Variants in GNA13 observed in about 807,000 individuals in gnomAD.
GNA13 encodes the protein G protein subunit alpha 13.
In GNA13, 4 loss-of-function variants were observed where a neutral mutation model predicts 33.5. That is an observed-to-expected ratio of 0.12 (90% CI 0.06 to 0.27). GNA13 has a LOEUF of 0.27. Among genes scored for constraint, GNA13 ranks in the 10% least tolerant of loss-of-function variants. GNA13 has a pLI of 1.00. For missense variants in GNA13, 319 were observed against 487.2 expected, an observed-to-expected ratio of 0.65 and a Z score of 3.25; for synonymous variants, 176 against 183.8, an observed-to-expected ratio of 0.96 and a Z score of 0.34.
chr17:65,036,443 C>T (rs542399781), intron 2 of GNA13, among the ~76,000 whole-genome samples: 370 of 152,298 alleles, frequency 2.4e-3, no homozygotes, highest in African/African-American at 8.2e-3. Context: ...CGGTGGCTCA[C>T]GCCTGTAATC....
At chr17:65,047,283 GA>G (rs1282456388) in intron 2 of GNA13, among the ~76,000 whole-genome samples, 1 of 152,106 alleles carries the variant, frequency 6.6e-6, no homozygotes, top group Non-Finnish European at 1.5e-5. Context: ...AGCACTTTAG[GA>G]GGCTGAAGCA....
In GNA13 at chr17:65,014,513, G is replaced by A; in HGVS notation, c.878C>T (p.Thr293Ile). 6.2e-7 allele frequency: 1 copy of A among 1,613,908 alleles called. No individual in the cohort carries two copies. The change falls in exon 4 of 4, where the codon ACA (threonine) becomes ATA (isoleucine). Residue 293 changes from threonine (T) to isoleucine (I), a missense_variant. This residue lies in a region of GNA13 where 134 missense variants were observed against 241.3 expected (regional missense o/e 0.56). Coordinates refer to ENST00000439174, the MANE Select transcript of GNA13 (RefSeq NM_006572.6). The surrounding 1 kb of genome is among the most constrained non-coding windows in gnomAD (Gnocchi z 5.3). Reference sequence around the variant, plus strand: ...TTGCACCTTCTCCTCAAGCAAGTCTGTCTTGTTTAAGAACAGAATTATGGA... The same window carrying A: ...TTGCACCTTCTCCTCAAGCAAGTCTATCTTGTTTAAGAACAGAATTATGGA... The part of the protein sequence containing the change: ...NVSIILFLNK[T>I]DLLEEKVQIV...
intron 1 of GNA13, among the ~76,000 whole-genome samples, chr17:65,055,167 C>G (rs1017774222): frequency 6.6e-6 from 1 of 152,054 alleles, no homozygotes; most frequent in Non-Finnish European, 1.5e-5. Flanking sequence ...AAACTGCTCC[C>G]CAGATAAAAT....
chr17:65,048,393 G>T (rs1907744372), intron 2 of GNA13, among the ~76,000 whole-genome samples: 1 of 152,104 alleles, frequency 6.6e-6, no homozygotes. Context: ...TAAAGACAGG[G>T]TAACTCAAAA....
chr17:65,048,547 C>T (rs989473334), intron 2 of GNA13, among the ~76,000 whole-genome samples: 7 of 152,088 alleles, frequency 4.6e-5, no homozygotes, highest in African/African-American at 1.4e-4. Flanking sequence ...TAAGTTATAA[C>T]GAGAATGTGA....
intron 2 of GNA13, among the ~76,000 whole-genome samples, chr17:65,028,582 G>GGCATT (rs2143791692): frequency 6.6e-6 from 1 of 152,014 alleles, no homozygotes; most frequent in African/African-American, 2.4e-5. Context: ...TGGTACTTAG[G>GGCATT]GCATTTCATG....
At chr17:65,034,056 TAGTC>T (rs1907156828) in intron 2 of GNA13, among the ~76,000 whole-genome samples, 1 of 121,450 alleles carries the variant, frequency 8.2e-6, no homozygotes, top group Non-Finnish European at 1.8e-5. Flanking sequence ...GAACCAAAAT[TAGTC>T]AGTTACATCA....
chr17:65,055,522 G>T, intron 1 of GNA13: 1 of 743,114 alleles, frequency 1.3e-6, no homozygotes, highest in Non-Finnish European at 1.6e-6. Context: ...CTCCCTTCCT[G>T]CCAGCCCCCA....
chr17:65,016,552 G>C (rs1906376940), intron 3 of GNA13, among the ~76,000 whole-genome samples: 1 of 152,262 alleles, frequency 6.6e-6, no homozygotes. Flanking sequence ...AGTAAAGACG[G>C]GGTTTCACCA....
At chr17:65,041,704 G>A (rs1255614532) in intron 2 of GNA13, among the ~76,000 whole-genome samples, 10 of 152,092 alleles carry the variant, frequency 6.6e-5, no homozygotes, top group Admixed American at 6.6e-4. Context: ...GAAGGAAGAG[G>A]GGATGAAAGC....
chr17:65,030,859 A>G (rs2143795106), intron 2 of GNA13, among the ~76,000 whole-genome samples: 1 of 152,326 alleles, frequency 6.6e-6, no homozygotes, highest in Non-Finnish European at 1.5e-5. Flanking sequence ...TTTTTTAAAA[A>G]AGTACCCAAT....
chr17:65,047,658 A>AT (rs1170721942), intron 2 of GNA13, among the ~76,000 whole-genome samples: 6 of 63,692 alleles, frequency 9.4e-5, no homozygotes, highest in Non-Finnish European at 2.3e-4. Flanking sequence ...AATGACTCTG[A>AT]TTCTTTTTTT....
intron 2 of GNA13, among the ~76,000 whole-genome samples, chr17:65,034,275 C>T (rs1460485995): frequency 2.0e-5 from 3 of 152,008 alleles, no homozygotes; most frequent in Non-Finnish European, 4.4e-5. Flanking sequence ...TTACATTATT[C>T]TAGAAATTGC....
rs1906290023 is a variant in GNA13 at position 65,014,374 on chromosome 17, C to T, written c.1017G>A (p.Gln339=). 1.9e-6 allele frequency: 3 copies of T among 1,614,098 alleles called. No individual in the cohort carries two copies. The highest frequency in any genetic ancestry group is 2.5e-6 in the Non-Finnish European group (3 of 1,179,972). ...TGGTGAAGTGGTGGTATAAGGGCTT[C>T]TGTTGCTGGTCCCGGCGTTTGTTCC... The part of the protein sequence containing the change: ...CFRNKRRDQQ[Q]KPLYHHFTTA... Residue 339 remains glutamine, a synonymous_variant, in exon 4 of 4, where the codon CAG becomes CAA. Coordinates refer to ENST00000439174, the MANE Select transcript of GNA13 (RefSeq NM_006572.6). This position sits in a 1 kb window ranked among gnomAD's most constrained non-coding sequence, Gnocchi z 5.3.
At position 65,012,790 on chromosome 17, in the gene GNA13, C is replaced by G. The variant is rs1906239964; in HGVS notation, c.*1467G>C. On this transcript the variant is annotated 3_prime_UTR_variant, in exon 4 of 4. Transcript: ENST00000439174. Reference sequence around the variant, plus strand: ...ACAGTAAAATGACAGATATCACAGTCTTAAAATTTTCAGGAAAAGTAGAAA... The same window carrying G: ...ACAGTAAAATGACAGATATCACAGTGTTAAAATTTTCAGGAAAAGTAGAAA... 4.6e-6 allele frequency: 1 copy of G among 218,130 alleles called. No individual in the cohort carries two copies. Among genetic ancestry groups the G allele is most frequent in the South Asian group, 1.9e-4 (1 of 5,390 alleles). 13.5% of individuals were successfully genotyped at this position (218,130 alleles called of 1,614,324 possible). A position where few individuals can be genotyped will look rare whatever the true frequency, so the allele number is the denominator to read the frequency against.
chr17:65,053,630 G>A lies in GNA13; in HGVS notation c.382C>T (p.Arg128Trp). 6.2e-7 allele frequency: 1 copy of A among 1,612,768 alleles called. No homozygotes were observed. The highest frequency in any genetic ancestry group is 8.5e-7 in the Non-Finnish European group (1 of 1,178,800). Residue 128 changes from arginine to tryptophan, a missense_variant, in exon 2 of 4, where the codon CGG becomes TGG. Around this residue, in one of 4 missense-constraint regions of GNA13, gnomAD observed 136 missense variants for 159.3 expected, o/e 0.85. Transcript: ENST00000439174. ...ATTCCTTGGGCTGCCATGGGGGCCCGGGTATCAAACGACATCATCTTATCT... is the reference window on the plus strand; with the variant it reads ...ATTCCTTGGGCTGCCATGGGGGCCCAGGTATCAAACGACATCATCTTATCT... ...HGDKMMSFDTRAPMAAQGMVE... is the reference protein window; with the variant it reads ...HGDKMMSFDTWAPMAAQGMVE...
chr17:65,056,288 G>A (rs752373505), intron 1 of GNA13, 23 bp downstream of exon 1: 34 of 623,686 alleles, frequency 5.5e-5, no homozygotes, highest in Non-Finnish European at 7.3e-5. Flanking sequence ...CTTAACCCCC[G>A]GCCCCCATTC....
chr17:65,026,993 G>C (rs147943296), intron 2 of GNA13, among the ~76,000 whole-genome samples: 2,206 of 152,186 alleles, frequency 0.014, 53 homozygotes, highest in African/African-American at 0.05. Flanking sequence ...GGTCAGGCTG[G>C]TCTCGAACTC....
In GNA13 at chr17:65,014,755, T is replaced by G; in HGVS notation, c.636A>C (p.Glu212Asp). The change falls in exon 4 of 4, where the codon GAA becomes GAC. Residue 212 changes from glutamate (E) to aspartate (D), a missense_variant. Around this residue, in one of 4 missense-constraint regions of GNA13, gnomAD observed 134 missense variants for 241.3 expected, o/e 0.56. Transcript: ENST00000439174. The surrounding 1 kb of genome is among the most constrained non-coding windows in gnomAD (Gnocchi z 5.3). The part of the protein sequence containing the change: ...PTKGIHEYDF[E>D]IKNVPFKMVD... ...CCATTTTGAAAGGAACATTTTTTAT[T>G]TCAAAGTCGTATTCATGGATGCCTT... The G allele has an allele frequency of 6.2e-7, 1 of 1,613,814 alleles. No homozygotes were observed.
Sources: allele counts gnomAD v4.1 joint callset (sites outside exome capture counted in the v4.1 genomes callset), GRCh38; gene constraint gnomAD v4.1.1; regional missense constraint gnomAD v4.1.1; non-coding constraint Gnocchi (gnomAD v3.1); transcripts MANE v1.5; gene names NCBI Gene and HGNC (gene_info 2026-07-23, HGNC 2026-07-21).